The following NDC1 variants were observed in gnomAD, a reference collection of about 807,000 sequenced individuals.
NDC1 encodes the protein NDC1 transmembrane nucleoporin.
NDC1 carries 24 observed loss-of-function variants against 89.8 expected under a neutral mutation model. The ratio of observed to expected loss-of-function variants is 0.27; its 90% CI spans 0.19 to 0.38. The LOEUF is 0.38. NDC1 is among the 10% of genes least tolerant of loss of function. The probability of loss-of-function intolerance (pLI) is 1.00; values close to 1 mark genes in which losing one functional copy is unlikely to be tolerated. For synonymous variants in NDC1, 296 were observed against 284.8 expected, an observed-to-expected ratio of 1.04 and a Z score of -0.39; for missense variants, 728 against 797.6, an observed-to-expected ratio of 0.91 and a Z score of 1.05.
intron 4 of NDC1, among the ~76,000 whole-genome samples, chr1:53,826,558 G>T (rs573696473): frequency 6.6e-6 from 1 of 152,246 alleles, no homozygotes; most frequent in Non-Finnish European, 1.5e-5. Context: ...AATCTAAGAG[G>T]ATCCCCCTGC....
At chr1:53,799,345 A>G (rs986446254) in intron 11 of NDC1, among the ~76,000 whole-genome samples, 6 of 152,218 alleles carry the variant, frequency 3.9e-5, no homozygotes, top group Non-Finnish European at 5.9e-5. Context: ...TAGGAATTCA[A>G]TAAGTATTTG....
intron 5 of NDC1, among the ~76,000 whole-genome samples, chr1:53,825,506 C>A (rs889757468): frequency 6.7e-6 from 1 of 150,330 alleles, no homozygotes; most frequent in Non-Finnish European, 1.5e-5. Context: ...CATCATCTTC[C>A]CCAAACCCTG....
chr1:53,772,313 A>G lies in NDC1; in HGVS notation c.1961+16T>C. ...CCAGAATAGGTATCATCATGGATCA[A>G]AACAGGTAAACTTACTTCAGATGTT... is the stretch of plus-strand genomic sequence containing the variant. On this transcript the variant is annotated intron_variant, in intron 17 of 17. Coordinates refer to ENST00000371429, the MANE Select transcript of NDC1 (RefSeq NM_018087.5). 1.2e-6 allele frequency: 2 copies of G among 1,612,460 alleles called. No homozygotes were observed. Among genetic ancestry groups the G allele is most frequent in the Non-Finnish European group, 1.7e-6 (2 of 1,178,770 alleles).
Position 53,765,877 on chromosome 1 carries a change from T to C in NDC1, c.*2093A>G, listed in dbSNP as rs904054229. 3 of 152,126 alleles carry C rather than the reference T, an allele frequency of 2.0e-5. No homozygotes were observed. Among genetic ancestry groups the C allele is most frequent in the African/African-American group, 7.2e-5 (3 of 41,416 alleles). The allele number at this position is 152,126 out of a possible 1,614,324, so 9.4% of individuals were successfully genotyped here. A position where few individuals can be genotyped will look rare whatever the true frequency, so the allele number is the denominator to read the frequency against. On this transcript the variant is annotated 3_prime_UTR_variant, in exon 18 of 18. Coordinates refer to ENST00000371429, the MANE Select transcript of NDC1 (RefSeq NM_018087.5). ...AGGAAATGCTTCTCTCCTCTTGGTCTCCCTAAGGTCCTCCTCCTAGTACAC... is the reference window on the plus strand; with the variant it reads ...AGGAAATGCTTCTCTCCTCTTGGTCCCCCTAAGGTCCTCCTCCTAGTACAC...
chr1:53,786,136 G>A (rs1182043657), intron 16 of NDC1, among the ~76,000 whole-genome samples: 1 of 152,000 alleles, frequency 6.6e-6, no homozygotes, highest in Admixed American at 6.6e-5. Context: ...ATGTTGCCCA[G>A]ACTGGTCTTG....
chr1:53,823,734 G>A (rs1648747998), intron 5 of NDC1, among the ~76,000 whole-genome samples: 1 of 152,058 alleles, frequency 6.6e-6, no homozygotes, highest in Non-Finnish European at 1.5e-5. Flanking sequence ...GTGAAATTTT[G>A]AGGTAGCCAA....
chr1:53,794,834 C>T (rs1398762206), intron 13 of NDC1, among the ~76,000 whole-genome samples: 1 of 152,158 alleles, frequency 6.6e-6, no homozygotes, highest in Non-Finnish European at 1.5e-5. Context: ...CATGATCATA[C>T]CACTGCACTC....
At chr1:53,816,269 G>A (rs958560323) in intron 6 of NDC1, among the ~76,000 whole-genome samples, 6 of 152,142 alleles carry the variant, frequency 3.9e-5, no homozygotes, top group African/African-American at 1.4e-4. Context: ...CAATGGAGCA[G>A]GATAGAGAAC....
At chr1:53,832,250 G>A (rs1182673114) in intron 3 of NDC1, among the ~76,000 whole-genome samples, 1 of 151,936 alleles carries the variant, frequency 6.6e-6, no homozygotes, top group East Asian at 1.9e-4. Flanking sequence ...ATGAATTTGA[G>A]TACTCCAGAT....
Position 53,819,005 on chromosome 1 carries a change from C to A in NDC1, c.669G>T (p.Leu223=), listed in dbSNP as rs1416103449. Reference sequence around the variant, plus strand: ...AATATAAAATGCAGAAATTTCTAACCAGGAACAGTGATTCCACACAACTGT... The same window carrying A: ...AATATAAAATGCAGAAATTTCTAACAAGGAACAGTGATTCCACACAACTGT... The part of the protein sequence containing the change: ...VKHSCVESLF[L]VRNFCILYYF... The change falls in exon 6 of 18, where the codon CTG becomes CTT. Residue 223 remains leucine, a synonymous_variant. Coordinates refer to ENST00000371429, the MANE Select transcript of NDC1 (RefSeq NM_018087.5). 3.4e-5 allele frequency: 54 copies of A among 1,570,694 alleles called. No individual in the cohort carries two copies. The highest frequency in any genetic ancestry group is 1.0e-4 in the Admixed American group (5 of 50,066).
intron 17 of NDC1, among the ~76,000 whole-genome samples, chr1:53,771,760 C>T (rs1363311071): frequency 6.6e-6 from 1 of 152,118 alleles, no homozygotes; most frequent in East Asian, 1.9e-4. Context: ...AAGCTAGTAT[C>T]CCTCATCCTG....
chr1:53,828,647 T>C (rs948576482), intron 3 of NDC1, among the ~76,000 whole-genome samples: 32 of 152,162 alleles, frequency 2.1e-4, no homozygotes, highest in Admixed American at 9.2e-4. Flanking sequence ...GTTTCGCTCT[T>C]GTTGCCCAGG....
intron 16 of NDC1, among the ~76,000 whole-genome samples, chr1:53,773,955 T>C (rs1230458957): frequency 6.6e-6 from 1 of 152,148 alleles, no homozygotes; most frequent in East Asian, 1.9e-4. Flanking sequence ...CCTCTTTATT[T>C]TGGGTACCTG....
In NDC1 at chr1:53,836,494, C is replaced by T. The variant is rs115068760; in HGVS notation, c.58-874G>A. Among the ~76,000 whole-genome samples the T allele has an allele frequency of 3.4e-3, 510 of 151,276 alleles. 2 individuals carry two copies. Among genetic ancestry groups the T allele is most frequent in the African/African-American group, 0.012 (491 of 41,228 alleles). ...AGAATAAAGTTGAACTCCTATCCCA[C>T]ATTCTTTTTGATGTTGTGATTTTGA... On this transcript the variant is annotated intron_variant, in intron 1 of 17. Transcript: ENST00000371429.
chr1:53,831,366 A>C (rs1326544027), intron 3 of NDC1, among the ~76,000 whole-genome samples: 1 of 146,704 alleles, frequency 6.8e-6, no homozygotes, highest in Admixed American at 6.7e-5. Flanking sequence ...ACATTTAAAA[A>C]ATTTTTTTTA....
chr1:53,793,070 C>T (rs1647575688), intron 14 of NDC1, among the ~76,000 whole-genome samples, 159 bp downstream of exon 14: 1 of 152,182 alleles, frequency 6.6e-6, no homozygotes, highest in Non-Finnish European at 1.5e-5. Context: ...TCTAGGGCAA[C>T]TATTGTTAAA....
intron 5 of NDC1, among the ~76,000 whole-genome samples, chr1:53,822,338 A>G (rs1006317395): frequency 6.6e-5 from 10 of 152,204 alleles, no homozygotes; most frequent in South Asian, 2.1e-4. Context: ...CCGTCTCAAA[A>G]AAAAGCCTCA....
chr1:53,786,923 C>T (rs532791026), intron 16 of NDC1, among the ~76,000 whole-genome samples: 9 of 152,152 alleles, frequency 5.9e-5, no homozygotes, highest in African/African-American at 2.2e-4. Flanking sequence ...CTCAAACTCT[C>T]CACCTCAAGC....
intron 9 of NDC1, among the ~76,000 whole-genome samples, chr1:53,804,806 ATCT>A (rs1392620414): frequency 6.6e-6 from 1 of 151,618 alleles, no homozygotes; most frequent in African/African-American, 2.4e-5. Flanking sequence ...TTTACTGAAA[ATCT>A]TCATCTTTTC....
Sources: gnomAD v4.1 joint callset for allele counts (sites outside exome capture counted in the v4.1 genomes callset) on GRCh38, gnomAD v4.1.1 for gene constraint, MANE v1.5 for transcripts, NCBI Gene and HGNC (gene_info 2026-07-23, HGNC 2026-07-21) for gene names.